The following TCP11L1 variants were observed in gnomAD, a reference collection of about 807,000 sequenced individuals.
TCP11L1 encodes t-complex 11 like 1, also known as T-complex protein 11-like protein 1.
In TCP11L1, 28 loss-of-function variants were observed where a neutral mutation model predicts 48.9. The observed-to-expected ratio is 0.57, with a 90% CI of 0.42 to 0.78. The LOEUF is 0.78. Among genes scored for constraint, TCP11L1 ranks in the 30% least tolerant of loss-of-function variants. TCP11L1 has a pLI of 0.00. For missense variants in TCP11L1, 505 were observed against 613.4 expected (o/e 0.82, Z 1.87); for synonymous variants, 204 against 231.9 (o/e 0.88, Z 1.09).
At chr11:33,050,936 C>T (rs1040834385) in intron 2 of TCP11L1, among the ~76,000 whole-genome samples, 2 of 152,054 alleles carry the variant, frequency 1.3e-5, no homozygotes, top group Middle Eastern at 3.4e-3. Flanking sequence ...GTCTCAGCCT[C>T]CTGAGTAGCT....
At chr11:33,072,386 A>T in intron 9 of TCP11L1, 88 bp from the exon 10 acceptor site, 2 of 1,384,120 alleles carry the variant, frequency 1.4e-6, no homozygotes, top group South Asian at 1.2e-5. Context: ...TTCCCCTAAG[A>T]GGTGATGGTT....
intron 2 of TCP11L1, among the ~76,000 whole-genome samples, chr11:33,046,338 C>T (rs766922470): frequency 9.2e-5 from 14 of 152,232 alleles, no homozygotes; most frequent in African/African-American, 2.7e-4. Flanking sequence ...TTGATGGCTT[C>T]GCCTTTGGCA....
intron 2 of TCP11L1, among the ~76,000 whole-genome samples, chr11:33,049,611 TAAGGA>T (rs767655978): frequency 6.6e-6 from 1 of 152,126 alleles, no homozygotes; most frequent in Non-Finnish European, 1.5e-5. Flanking sequence ...TAAATAAGTT[TAAGGA>T]AAGGTACTGT....
At chr11:33,060,399 G>T (rs186000133) in intron 6 of TCP11L1, among the ~76,000 whole-genome samples, 73 of 152,266 alleles carry the variant, frequency 4.8e-4, no homozygotes, top group Middle Eastern at 3.4e-3. Flanking sequence ...GAAGCCAGAT[G>T]GCCCAGGAGT....
rs567151909 is a variant in TCP11L1 at position 33,073,378 on chromosome 11, GTTATGAC to G, written c.*709_*715del. ...TTACTCCTGCATCTGGTTGAGAGCAGTTATGACTTATGAGATCTAGTGAAAGGAAAGT... is the reference window on the plus strand; with the variant it reads ...TTACTCCTGCATCTGGTTGAGAGCAGTTATGAGATCTAGTGAAAGGAAAGT... On this transcript the variant is annotated 3_prime_UTR_variant, in exon 10 of 10. Transcript: ENST00000334274. The G allele has an allele frequency of 5.4e-5, 8 of 148,328 alleles. No homozygotes were observed. The East Asian group carries it at 1.5e-3, about 29-fold the overall frequency. 9.2% of individuals were successfully genotyped at this position (148,328 alleles called of 1,614,324 possible).
At chr11:33,071,092 A>G (rs1480915840) in intron 9 of TCP11L1, among the ~76,000 whole-genome samples, 1 of 151,626 alleles carries the variant, frequency 6.6e-6, no homozygotes, top group Non-Finnish European at 1.5e-5. Context: ...GGGCAGACGG[A>G]TCACTTGAGG....
chr11:33,064,090 C>T (rs576179314), intron 7 of TCP11L1, among the ~76,000 whole-genome samples: 28 of 152,226 alleles, frequency 1.8e-4, no homozygotes, highest in African/African-American at 6.5e-4. Context: ...GATGTGAGAC[C>T]TGTTCTCCAG....
chr11:33,072,469 C>T lies in TCP11L1; in HGVS notation c.1328-5C>T. The stretch of plus-strand genomic sequence containing the variant: ...AACAACTGACCACTTTCTTTTTTGT[C>T]ACAGAATCTCGAATCCTGACCTTCT... On this transcript the variant is annotated splice_region_variant and splice_polypyrimidine_tract_variant and intron_variant, in intron 9 of 9. Transcript: ENST00000334274. 3 of 1,613,776 alleles carry T rather than the reference C, an allele frequency of 1.9e-6. No individual in the cohort carries two copies. The highest frequency in any genetic ancestry group is 2.5e-6 in the Non-Finnish European group (3 of 1,179,908).
chr11:33,059,992 C>T (rs761874453), intron 6 of TCP11L1, among the ~76,000 whole-genome samples: 6 of 151,998 alleles, frequency 3.9e-5, no homozygotes, highest in Admixed American at 3.3e-4. Flanking sequence ...TTTTTTTAAT[C>T]CCATTTTACA....
chr11:33,061,339 C>G (rs2133730301), intron 6 of TCP11L1, among the ~76,000 whole-genome samples, 191 bp from the exon 7 acceptor site: 1 of 152,306 alleles, frequency 6.6e-6, no homozygotes, highest in East Asian at 1.9e-4. Flanking sequence ...GAAACTCAGA[C>G]ACATTATGAC....
At chr11:33,055,151 A>C (rs1040067405) in intron 3 of TCP11L1, among the ~76,000 whole-genome samples, 17 of 152,256 alleles carry the variant, frequency 1.1e-4, no homozygotes, top group African/African-American at 3.9e-4. Flanking sequence ...AAGAGGAAAC[A>C]CTGCCCATTA....
chr11:33,046,303 T>C (rs900099042), intron 2 of TCP11L1, among the ~76,000 whole-genome samples: 8 of 152,272 alleles, frequency 5.3e-5, no homozygotes, highest in Admixed American at 2.0e-4. Context: ...CAATTTTAAC[T>C]TTTATAGGTT....
chr11:33,057,348 T>A, intron 4 of TCP11L1, 113 bp downstream of exon 4: 1 of 1,527,158 alleles, frequency 6.5e-7, no homozygotes, highest in Non-Finnish European at 8.9e-7. Context: ...GAAGTTAAAG[T>A]ACTTGCCAGA....
chr11:33,045,118 G>A (rs1783876998), intron 2 of TCP11L1, among the ~76,000 whole-genome samples: 1 of 152,114 alleles, frequency 6.6e-6, no homozygotes, highest in Non-Finnish European at 1.5e-5. Context: ...ACTTTGGGCG[G>A]CTGAGGCAGG....
Position 33,059,017 on chromosome 11 carries a change from A to G in TCP11L1, c.697A>G (p.Ser233Gly). 1 of 1,614,228 alleles carries G rather than the reference A, an allele frequency of 6.2e-7. No homozygotes were observed. Among genetic ancestry groups the G allele is most frequent in the Non-Finnish European group, 8.5e-7 (1 of 1,180,040 alleles). Residue 233 changes from serine to glycine, a missense_variant, in exon 6 of 10, where the codon AGC (serine) becomes GGC (glycine). Transcript: ENST00000334274. ...KVDMANFAIS[S>G]IRPHLMQQSV... is the part of the protein sequence containing the mutation. ...GGACATGGCCAACTTTGCTATCAGTAGCATCAGGCCTCATCTCATGCAGCA... is the reference window on the plus strand; with the variant it reads ...GGACATGGCCAACTTTGCTATCAGTGGCATCAGGCCTCATCTCATGCAGCA...
chr11:33,060,361 G>A (rs977277987), intron 6 of TCP11L1, among the ~76,000 whole-genome samples: 2 of 152,140 alleles, frequency 1.3e-5, no homozygotes, highest in Non-Finnish European at 2.9e-5. Context: ...GGGGGGTTAC[G>A]GAGAATATTA....
chr11:33,040,907 A>G (rs1349176926), intron 1 of TCP11L1: 2 of 152,222 alleles, frequency 1.3e-5, no homozygotes, highest in Non-Finnish European at 2.9e-5. Context: ...TTCCTCTGCT[A>G]TATTCCCTGG....
chr11:33,044,619 G>A (rs1019513026), intron 2 of TCP11L1, among the ~76,000 whole-genome samples: 1 of 152,190 alleles, frequency 6.6e-6, no homozygotes, highest in Non-Finnish European at 1.5e-5. Context: ...ATCAGTAGTT[G>A]TACGTATTTG....
At chr11:33,065,485 A>C (rs976445287) in intron 7 of TCP11L1, among the ~76,000 whole-genome samples, 1 of 147,128 alleles carries the variant, frequency 6.8e-6, no homozygotes, top group Non-Finnish European at 1.5e-5. Flanking sequence ...CTGGTCTTGA[A>C]CTCCTGACCT....
Sources: gnomAD v4.1 joint callset for allele counts (sites outside exome capture counted in the v4.1 genomes callset) on GRCh38, gnomAD v4.1.1 for gene constraint, MANE v1.5 for transcripts, NCBI Gene and HGNC (gene_info 2026-07-23, HGNC 2026-07-21) for gene names.